The following HDLBP variants were observed in gnomAD, a reference collection of about 807,000 sequenced individuals.
HDLBP encodes the protein high density lipoprotein binding protein.
HDLBP carries 30 observed loss-of-function variants against 137.3 expected under a neutral mutation model. The ratio of observed to expected loss-of-function variants is 0.22; its 90% CI spans 0.16 to 0.30. HDLBP has a LOEUF of 0.30. HDLBP is among the 10% of genes least tolerant of loss of function. The pLI, the probability that HDLBP is intolerant of heterozygous loss-of-function variation, is 1.00. For synonymous variants in HDLBP, 606 were observed against 596.0 expected (o/e 1.02, Z -0.24); for missense variants, 1,119 against 1,667.3 (o/e 0.67, Z 5.73).
In HDLBP at chr2:241,272,621, C is replaced by A. The variant is rs1386998976; in HGVS notation, c.-102-4080G>T. On this transcript the variant is annotated intron_variant, in intron 1 of 27. Coordinates refer to ENST00000310931, the MANE Select transcript of HDLBP (RefSeq NM_005336.6). This position sits in a 1 kb window ranked among gnomAD's most constrained non-coding sequence, Gnocchi z 5.6. Reference sequence around the variant, plus strand: ...CGGGCGGGGGCCGCAGCCTGGGGCCCGGGTGGGGGCCGCGGCACCCGGGCC... The same window carrying A: ...CGGGCGGGGGCCGCAGCCTGGGGCCAGGGTGGGGGCCGCGGCACCCGGGCC... 20 of 980,600 alleles carry A rather than the reference C, an allele frequency of 2.0e-5. No homozygotes were observed. The highest frequency in any genetic ancestry group is 4.7e-5 in the South Asian group (1 of 21,130). 60.7% of individuals were successfully genotyped at this position (980,600 alleles called of 1,614,324 possible).
At chr2:241,297,975 G>C (rs1375784417) in intron 1 of HDLBP, among the ~76,000 whole-genome samples, 3 of 138,448 alleles carry the variant, frequency 2.2e-5, no homozygotes, top group Non-Finnish European at 4.6e-5. Context: ...TTGAACCCAG[G>C]AGGCAGAGGT....
At chr2:241,247,917 C>G in intron 14 of HDLBP, 86 bp downstream of exon 14, 1 of 896,534 alleles carries the variant, frequency 1.1e-6, no homozygotes, top group African/African-American at 1.6e-5. Flanking sequence ...GAGCAGGGGT[C>G]CTGTGGGGGT....
At chr2:241,298,376 AATAATG>A (rs1362773871) in intron 1 of HDLBP, among the ~76,000 whole-genome samples, 1 of 152,002 alleles carries the variant, frequency 6.6e-6, no homozygotes, top group Non-Finnish European at 1.5e-5. Context: ...AAAAAATAAT[AATAATG>A]AAAAAAATAA....
chr2:241,279,015 A>C (rs776278977), intron 1 of HDLBP, among the ~76,000 whole-genome samples: 2 of 151,812 alleles, frequency 1.3e-5, no homozygotes, highest in African/African-American at 4.8e-5. Context: ...ACAGCGTGAG[A>C]CTCTGTCCCC....
chr2:241,272,438 CG>C lies in HDLBP; in HGVS notation c.-102-3898del, dbSNP rs1269545133. 4.1e-6 allele frequency: 4 copies of C among 984,550 alleles called. No homozygotes were observed. Among genetic ancestry groups the C allele is most frequent in the African/African-American group, 3.5e-5 (2 of 57,116 alleles). The allele number at this position is 984,550 out of a possible 1,614,324, so 61.0% of individuals were successfully genotyped here. On this transcript the variant is annotated intron_variant, in intron 1 of 27. Coordinates refer to ENST00000310931, the MANE Select transcript of HDLBP (RefSeq NM_005336.6). The surrounding 1 kb of genome is among the most constrained non-coding windows in gnomAD (Gnocchi z 5.6). ...GCCCCACCGAAGCCCCGGGAGGAGG[CG>C]GGGGAGCCCAGCTTGCAGCCAAGAG... is the stretch of plus-strand genomic sequence containing the variant.
intron 1 of HDLBP, among the ~76,000 whole-genome samples, chr2:241,274,060 A>C (rs1236581600): frequency 1.3e-5 from 2 of 152,168 alleles, no homozygotes; most frequent in Admixed American, 6.5e-5. Context: ...GAAGTTAAGA[A>C]AGACACAGGT....
chr2:241,233,790 C>T lies in HDLBP; in HGVS notation c.3288+30G>A. On this transcript the variant is annotated intron_variant, in intron 24 of 27. Coordinates refer to ENST00000310931, the MANE Select transcript of HDLBP (RefSeq NM_005336.6). The surrounding 1 kb of genome is among the most constrained non-coding windows in gnomAD (Gnocchi z 4.3). The stretch of plus-strand genomic sequence containing the variant: ...CAGGAAAGGTCAACAAGCACCTCTG[C>T]CCCCGACACGCTCCAACCGAGGCTC... The T allele has an allele frequency of 2.5e-6, 4 of 1,613,272 alleles. No individual in the cohort carries two copies. The highest frequency in any genetic ancestry group is 3.4e-6 in the Non-Finnish European group (4 of 1,179,698).
intron 5 of HDLBP, among the ~76,000 whole-genome samples, chr2:241,262,388 G>A (rs1251648671): frequency 1.7e-4 from 26 of 152,136 alleles, no homozygotes; most frequent in Admixed American, 1.7e-3. Flanking sequence ...AGGCCACAGT[G>A]TACTATAACC....
chr2:241,267,579 T>C, intron 2 of HDLBP: 1 of 1,535,458 alleles, frequency 6.5e-7, no homozygotes, highest in East Asian at 2.4e-5. Flanking sequence ...ACCACACACC[T>C]CTTAATGCTT....
intron 9 of HDLBP, among the ~76,000 whole-genome samples, chr2:241,253,997 A>G (rs1355474562): frequency 6.6e-6 from 1 of 152,206 alleles, no homozygotes; most frequent in African/African-American, 2.4e-5. Flanking sequence ...TATACAAAGT[A>G]AAAGGGGCTG....
At position 241,236,693 on chromosome 2, in the gene HDLBP, G is replaced by A. The variant is rs375270622; in HGVS notation, c.2826C>T (p.Pro942=). 5.0e-5 allele frequency: 81 copies of A among 1,614,092 alleles called. No homozygotes were observed. The highest frequency in any genetic ancestry group is 2.1e-4 in the South Asian group (19 of 91,074). Reference sequence around the variant, plus strand: ...TGATGTCACACCTCCTTGGAGAGCCGGGGTCACAATCTTTAGCCTCTCTCC... The same window carrying A: ...TGATGTCACACCTCCTTGGAGAGCCAGGGTCACAATCTTTAGCCTCTCTCC... ...GEGREAKDCD[P]GSPRRCDIII... The change falls in exon 21 of 28, where the codon CCC becomes CCT. Residue 942 remains proline, a synonymous_variant. Transcript: ENST00000310931.
At chr2:241,259,187 A>G (rs147916556) in intron 5 of HDLBP, among the ~76,000 whole-genome samples, 1 of 152,220 alleles carries the variant, frequency 6.6e-6, no homozygotes, top group Non-Finnish European at 1.5e-5. Flanking sequence ...CCAAAAAATA[A>G]TAAAAGAAAA....
At chr2:241,279,982 T>G (rs2074536080) in intron 1 of HDLBP, 1 of 985,056 alleles carries the variant, frequency 1.0e-6, no homozygotes, top group Admixed American at 6.2e-5. Flanking sequence ...GCTGAAGGGG[T>G]TAGGAGGAGC....
At chr2:241,313,665 A>T (rs1242240501) in intron 1 of HDLBP, among the ~76,000 whole-genome samples, 1 of 152,196 alleles carries the variant, frequency 6.6e-6, no homozygotes, top group African/African-American at 2.4e-5. Flanking sequence ...TTGAATTGAA[A>T]TGAAGAAGTG....
rs1443090156 is a variant in HDLBP, at chr2:241,240,245, G to A, written c.2170-123C>T. The A allele has an allele frequency of 5.4e-6, 5 of 918,876 alleles. No individual in the cohort carries two copies. The highest frequency in any genetic ancestry group is 1.4e-5 in the South Asian group (1 of 72,866). The allele number at this position is 918,876 out of a possible 1,614,324, so 56.9% of individuals were successfully genotyped here. A position where few individuals can be genotyped will look rare whatever the true frequency, so the allele number is the denominator to read the frequency against. Reference sequence around the variant, plus strand: ...CTTACATTGTCACCAGTGTCCTGATGTTGCACCAATACCCCCAAAATGGGG... The same window carrying A: ...CTTACATTGTCACCAGTGTCCTGATATTGCACCAATACCCCCAAAATGGGG... On this transcript the variant is annotated intron_variant, in intron 17 of 27. Coordinates refer to ENST00000310931, the MANE Select transcript of HDLBP (RefSeq NM_005336.6). The surrounding 1 kb of genome is among the most constrained non-coding windows in gnomAD (Gnocchi z 5.5).
At chr2:241,248,151 T>C in intron 13 of HDLBP, 35 bp from the exon 14 acceptor site, 2 of 1,575,044 alleles carry the variant, frequency 1.3e-6, no homozygotes, top group African/African-American at 1.3e-5. Context: ...AGTTCAAGTA[T>C]GAGGAAGGAC....
intron 1 of HDLBP, among the ~76,000 whole-genome samples, chr2:241,303,738 C>T (rs1384100622): frequency 6.6e-6 from 1 of 152,184 alleles, no homozygotes; most frequent in Non-Finnish European, 1.5e-5. Flanking sequence ...TCTCTCAGAG[C>T]CTAAAAAGCT....
chr2:241,296,941 T>A (rs1476674160), intron 1 of HDLBP, among the ~76,000 whole-genome samples: 1 of 152,182 alleles, frequency 6.6e-6, no homozygotes, highest in East Asian at 1.9e-4. Context: ...AGAACACGAG[T>A]GTGCGTCAGC....
intron 6 of HDLBP, 55 bp downstream of exon 6, chr2:241,256,545 G>A: frequency 1.3e-6 from 2 of 1,577,598 alleles, no homozygotes; most frequent in Non-Finnish European, 1.7e-6. Context: ...CCATGAGGGA[G>A]TGAGGTCTGC....
Sources: gnomAD v4.1 joint callset for allele counts (sites outside exome capture counted in the v4.1 genomes callset) on GRCh38, gnomAD v4.1.1 for gene constraint, Gnocchi (gnomAD v3.1) non-coding constraint, MANE v1.5 for transcripts, NCBI Gene and HGNC (gene_info 2026-07-23, HGNC 2026-07-21) for gene names.